Variants in CDH1 observed in about 807,000 individuals in gnomAD.
CDH1 encodes cadherin 1, also known as cadherin-1.
CDH1 carries 35 observed loss-of-function variants against 84.5 expected under a neutral mutation model. That is an observed-to-expected ratio of 0.41 (90% CI 0.32 to 0.55). The LOEUF (loss-of-function observed/expected upper bound fraction) is 0.55, where lower values mean the gene tolerates loss of function less well. Among genes scored for constraint, CDH1 ranks in the 20% least tolerant of loss-of-function variants. CDH1 has a pLI of 0.19. For missense variants in CDH1, 994 were observed against 1,126.6 expected, an observed-to-expected ratio of 0.88 and a Z score of 1.68; for synonymous variants, 417 against 439.0, an observed-to-expected ratio of 0.95 and a Z score of 0.63.
intron 2 of CDH1, among the ~76,000 whole-genome samples, chr16:68,740,767 G>A (rs1962543504): frequency 6.6e-6 from 1 of 152,156 alleles, no homozygotes; most frequent in Admixed American, 6.5e-5. Flanking sequence ...TCTGGGGCAA[G>A]TGCTTCACAT....
At chr16:68,744,278 C>T (rs915332743) in intron 2 of CDH1, among the ~76,000 whole-genome samples, 1 of 152,146 alleles carries the variant, frequency 6.6e-6, no homozygotes, top group African/African-American at 2.4e-5. Flanking sequence ...TCATAGCTTC[C>T]CTCTGAACAG....
Position 68,833,416 on chromosome 16 carries a change from G to A in CDH1, c.2566G>A (p.Asp856Asn), listed in dbSNP as rs2152144092. Residue 856 changes from aspartate (D) to asparagine (N), a missense_variant, in exon 16 of 16, where the codon GAC (aspartate) becomes AAC (asparagine). Physicochemically the swap from Asp to Asn is conservative, Grantham distance 23. Transcript: ENST00000261769. ...CCTGAACTCCTCAGAGTCAGACAAAGACCAGGACTATGACTACTTGAACGA... is the reference window on the plus strand; with the variant it reads ...CCTGAACTCCTCAGAGTCAGACAAAAACCAGGACTATGACTACTTGAACGA... ...SSLNSSESDK[D>N]QDYDYLNEWG... 1 of 1,614,192 alleles carries A rather than the reference G, an allele frequency of 6.2e-7. No homozygotes were observed. The highest frequency in any genetic ancestry group is 8.5e-7 in the Non-Finnish European group (1 of 1,180,028).
rs1567508990 is a variant in CDH1, at chr16:68,815,683, G to C, written c.1489G>C (p.Glu497Gln). ...TCCTGAAAAGAGAGTGGAAGTGTCC[G>C]AGGACTTTGGCGTGGGCCAGGAAAT... The part of the protein sequence containing the change: ...VPPEKRVEVS[E>Q]DFGVGQEITS... The change falls in exon 10 of 16, where the codon GAG becomes CAG. Residue 497 changes from glutamate to glutamine, a missense_variant. Physicochemically the swap from Glu to Gln is conservative, Grantham distance 29. This residue lies in a region of CDH1 where 769 missense variants were observed against 881.8 expected (regional missense o/e 0.87). Transcript: ENST00000261769. 6.2e-7 allele frequency: 1 copy of C among 1,614,218 alleles called. No individual in the cohort carries two copies. The highest frequency in any genetic ancestry group is 8.5e-7 in the Non-Finnish European group (1 of 1,180,040).
At chr16:68,788,535 T>C (rs1265360947) in intron 2 of CDH1, among the ~76,000 whole-genome samples, 2 of 152,170 alleles carry the variant, frequency 1.3e-5, no homozygotes, top group Admixed American at 6.5e-5. Context: ...ACAGCTTCTT[T>C]CACTCGGTGT....
chr16:68,762,889 G>C (rs1353732821), intron 2 of CDH1, among the ~76,000 whole-genome samples: 2 of 111,256 alleles, frequency 1.8e-5, no homozygotes, highest in Non-Finnish European at 3.3e-5. Context: ...CTCCAGCCTC[G>C]GCAACAGAGC....
intron 2 of CDH1, among the ~76,000 whole-genome samples, chr16:68,761,578 A>C (rs1409705948): frequency 6.6e-6 from 1 of 152,204 alleles, no homozygotes; most frequent in African/African-American, 2.4e-5. Flanking sequence ...CAATAAACAT[A>C]ATCAATGTGC....
intron 2 of CDH1, among the ~76,000 whole-genome samples, chr16:68,769,064 C>A (rs557237762): frequency 5.9e-5 from 9 of 152,254 alleles, no homozygotes; most frequent in Admixed American, 2.6e-4. Context: ...TTTTCCATGG[C>A]ACTGATTACT....
intron 2 of CDH1, among the ~76,000 whole-genome samples, chr16:68,744,519 C>T (rs1172066465): frequency 6.6e-6 from 1 of 152,054 alleles, no homozygotes; most frequent in African/African-American, 2.4e-5. Context: ...GTTCTTGTTA[C>T]TCTTGGGGGA....
chr16:68,828,840 T>C (rs1961400617), intron 14 of CDH1, among the ~76,000 whole-genome samples: 1 of 152,144 alleles, frequency 6.6e-6, no homozygotes, highest in African/African-American at 2.4e-5. Flanking sequence ...CTACTTATTA[T>C]AGAAAGGGAT....
intron 2 of CDH1, among the ~76,000 whole-genome samples, chr16:68,766,884 C>T (rs555759652): frequency 6.6e-5 from 10 of 151,220 alleles, no homozygotes; most frequent in Admixed American, 4.6e-4. Context: ...CCCACCATCA[C>T]GCCCGGCTGA....
intron 8 of CDH1, among the ~76,000 whole-genome samples, chr16:68,812,829 A>G (rs1367825360): frequency 1.3e-5 from 2 of 152,204 alleles, no homozygotes; most frequent in African/African-American, 4.8e-5. Context: ...TCCCTTGAGG[A>G]TGGAGTTTGA....
intron 3 of CDH1, 65 bp downstream of exon 3, chr16:68,801,958 A>C: frequency 7.5e-7 from 1 of 1,336,624 alleles, no homozygotes; most frequent in Non-Finnish European, 1.1e-6. Flanking sequence ...CAGGTTTCTC[A>C]GCCTTGGTAC....
intron 2 of CDH1, among the ~76,000 whole-genome samples, chr16:68,790,767 GA>G (rs773229673): frequency 6.6e-6 from 1 of 152,040 alleles, no homozygotes; most frequent in Non-Finnish European, 1.5e-5. Context: ...CTGGAAAATT[GA>G]AACCAAGCAG....
At chr16:68,828,378 G>T (rs1189586309) in intron 14 of CDH1, 74 bp downstream of exon 14, 1 of 1,524,482 alleles carries the variant, frequency 6.6e-7, no homozygotes, top group Non-Finnish European at 9.1e-7. Flanking sequence ...TAAGAGGTAG[G>T]CATTTGAAAC....
intron 2 of CDH1, among the ~76,000 whole-genome samples, chr16:68,792,378 C>T (rs563669944): frequency 8.6e-5 from 13 of 152,040 alleles, no homozygotes; most frequent in Non-Finnish European, 1.6e-4. Context: ...TACAGGCATG[C>T]GCCACCACGC....
intron 2 of CDH1, among the ~76,000 whole-genome samples, chr16:68,775,304 C>T (rs13334326): frequency 0.29 from 44,645 of 152,052 alleles, 6,661 homozygotes; most frequent in Middle Eastern, 0.34. Flanking sequence ...TCCTGAACCA[C>T]AATGCCATTA....
chr16:68,787,844 T>TTTTTTTTTTTA (rs1960101759), intron 2 of CDH1, among the ~76,000 whole-genome samples: 11 of 145,720 alleles, frequency 7.5e-5, no homozygotes, highest in East Asian at 2.0e-4. Context: ...TTTTTTTTTT[T>TTTTTTTTTTTA]GAGACAGTTT....
intron 5 of CDH1, 75 bp from the exon 6 acceptor site, chr16:68,810,122 C>T (rs1960776694): frequency 6.4e-7 from 1 of 1,555,240 alleles, no homozygotes; most frequent in Non-Finnish European, 8.9e-7. Flanking sequence ...GGGGCGCACT[C>T]TGCTCTGGCT....
At chr16:68,819,725 A>G (rs1961089849) in intron 11 of CDH1, among the ~76,000 whole-genome samples, 2 of 152,066 alleles carry the variant, frequency 1.3e-5, no homozygotes, top group African/African-American at 4.8e-5. Context: ...GCCATTGTCT[A>G]TCATTCCACA....
Sources: gnomAD v4.1 joint callset for allele counts (sites outside exome capture counted in the v4.1 genomes callset) on GRCh38, gnomAD v4.1.1 for gene constraint, gnomAD v4.1.1 regional missense constraint, MANE v1.5 for transcripts, NCBI Gene and HGNC (gene_info 2026-07-23, HGNC 2026-07-21) for gene names.